The following CCSER1 variants were observed in gnomAD, a reference collection of about 807,000 sequenced individuals.
The protein encoded by CCSER1 is coiled-coil serine rich protein 1.
In CCSER1, 41 loss-of-function variants were observed where a neutral mutation model predicts 82.0. That is an observed-to-expected ratio of 0.50 (90% CI 0.39 to 0.65). CCSER1 has a LOEUF of 0.65. Among genes scored for constraint, CCSER1 ranks in the 30% least tolerant of loss-of-function variants. The pLI is 0.00. For missense variants in CCSER1, 1,119 were observed against 1,064.2 expected, an observed-to-expected ratio of 1.05 and a Z score of -0.72; for synonymous variants, 414 against 383.9, an observed-to-expected ratio of 1.08 and a Z score of -0.92.
intron 8 of CCSER1, among the ~76,000 whole-genome samples, chr4:90,917,370 T>C (rs9799607): frequency 0.47 from 70,874 of 151,840 alleles, 18,196 homozygotes; most frequent in African/African-American, 0.7. Flanking sequence ...TGTAGGGACA[T>C]GGATGAAGCT....
At chr4:90,973,330 A>G (rs1311401035) in intron 9 of CCSER1, among the ~76,000 whole-genome samples, 1 of 151,788 alleles carries the variant, frequency 6.6e-6, no homozygotes, top group Non-Finnish European at 1.5e-5. Context: ...AAGAAAACAA[A>G]TAACCTGATT....
At chr4:91,387,104 G>A (rs989390190) in intron 10 of CCSER1, among the ~76,000 whole-genome samples, 18 of 151,948 alleles carry the variant, frequency 1.2e-4, no homozygotes, top group African/African-American at 4.3e-4. Context: ...TTGTAGTAAT[G>A]TTAAATTTTC....
intron 7 of CCSER1, among the ~76,000 whole-genome samples, chr4:90,771,832 T>C (rs1322532878): frequency 6.6e-6 from 1 of 152,120 alleles, no homozygotes; most frequent in Non-Finnish European, 1.5e-5. Context: ...CCTGTTACTA[T>C]TTCTCCAATA....
chr4:90,596,946 T>C (rs1404283141), intron 5 of CCSER1, among the ~76,000 whole-genome samples: 1 of 151,948 alleles, frequency 6.6e-6, no homozygotes, highest in Non-Finnish European at 1.5e-5. Flanking sequence ...ATAAGTAATT[T>C]CTTATGGACA....
chr4:90,430,045 G>T (rs1276867720), intron 4 of CCSER1, among the ~76,000 whole-genome samples: 2 of 151,694 alleles, frequency 1.3e-5, no homozygotes, highest in Non-Finnish European at 3.0e-5. Context: ...CTTTAAGTCC[G>T]CTCAAAAATC....
At chr4:90,617,141 A>G (rs1405862440) in intron 5 of CCSER1, among the ~76,000 whole-genome samples, 3 of 152,220 alleles carry the variant, frequency 2.0e-5, no homozygotes, top group Non-Finnish European at 2.9e-5. Flanking sequence ...CATATGTTTC[A>G]TATGTATGAA....
At chr4:90,413,676 TA>T (rs899401774) in intron 4 of CCSER1, among the ~76,000 whole-genome samples, 3 of 151,654 alleles carry the variant, frequency 2.0e-5, no homozygotes, top group Non-Finnish European at 4.4e-5. Flanking sequence ...CCTAAATTAA[TA>T]TATGTTCCTC....
chr4:90,541,422 T>C (rs888456716), intron 5 of CCSER1, among the ~76,000 whole-genome samples: 1 of 152,070 alleles, frequency 6.6e-6, no homozygotes, highest in Non-Finnish European at 1.5e-5. Context: ...AGAGCCCCGA[T>C]TTAGCTGTTG....
chr4:90,246,839 G>T (rs1487924547), intron 1 of CCSER1, among the ~76,000 whole-genome samples: 2 of 151,888 alleles, frequency 1.3e-5, no homozygotes, highest in Non-Finnish European at 1.5e-5. Flanking sequence ...TTGTACTGTT[G>T]ATCTTAGCTA....
chr4:91,054,398 A>G (rs1222961458), intron 9 of CCSER1, among the ~76,000 whole-genome samples: 1 of 152,016 alleles, frequency 6.6e-6, no homozygotes, highest in Non-Finnish European at 1.5e-5. Context: ...ATTTAGATGG[A>G]ATCTTTTATT....
chr4:90,893,884 C>A (rs553886184), intron 8 of CCSER1, among the ~76,000 whole-genome samples: 4 of 151,326 alleles, frequency 2.6e-5, no homozygotes, highest in Admixed American at 6.6e-5. Flanking sequence ...ACTCATTTCC[C>A]GTGTTAAATT....
chr4:90,752,077 G>A (rs1748751738), intron 7 of CCSER1, among the ~76,000 whole-genome samples: 1 of 152,052 alleles, frequency 6.6e-6, no homozygotes, highest in Non-Finnish European at 1.5e-5. Flanking sequence ...AATTTATTGA[G>A]CACTTCCAAT....
intron 5 of CCSER1, among the ~76,000 whole-genome samples, chr4:90,533,382 A>T (rs1053060203): frequency 6.6e-6 from 1 of 152,172 alleles, no homozygotes; most frequent in Non-Finnish European, 1.5e-5. Flanking sequence ...GGCGTGAGCC[A>T]CTGCTCCTGG....
At chr4:90,153,218 T>A (rs1295911502) in intron 1 of CCSER1, among the ~76,000 whole-genome samples, 1 of 152,066 alleles carries the variant, frequency 6.6e-6, no homozygotes, top group Non-Finnish European at 1.5e-5. Flanking sequence ...CATGAACTCA[T>A]CATTTTTTTG....
At position 91,598,938 on chromosome 4, in the gene CCSER1, A is replaced by G; in HGVS notation, c.2584A>G (p.Arg862Gly). The G allele has an allele frequency of 6.4e-7, 1 of 1,551,578 alleles. No homozygotes were observed. The highest frequency in any genetic ancestry group is 8.7e-7 in the Non-Finnish European group (1 of 1,146,904). The change falls in exon 11 of 11, where the codon AGG becomes GGG. Residue 862 changes from arginine (R) to glycine (G), a missense_variant. Coordinates refer to ENST00000509176, the MANE Select transcript of CCSER1 (RefSeq NM_001145065.2). Reference protein sequence around the residue: ...TARQHSTFTGRFGQPPRGPIS... With the variant: ...TARQHSTFTGGFGQPPRGPIS... ...CCGACAGCATTCGACCTTTACAGGC[A>G]GGTTTGGACAGCCACCCAGAGGGCC...
intron 5 of CCSER1, among the ~76,000 whole-genome samples, chr4:90,591,695 A>G (rs1421708571): frequency 6.6e-6 from 1 of 152,194 alleles, no homozygotes; most frequent in African/African-American, 2.4e-5. Flanking sequence ...TATACACCCA[A>G]AGGGTTATAA....
chr4:90,196,239 C>T lies in CCSER1; in HGVS notation c.-42+68408C>T, dbSNP rs188690574. Among the ~76,000 whole-genome samples the T allele has an allele frequency of 1.6e-3, 242 of 152,098 alleles. 2 individuals are homozygous for T. The highest frequency in any genetic ancestry group is 5.5e-3 in the African/African-American group (227 of 41,512). On this transcript the variant is annotated intron_variant, in intron 1 of 10. Transcript: ENST00000509176. ...GCAAATGTGAATGCCAGCAATCCTC[C>T]ACTGCAGACCTTATGTTAAGTGAGA...
At chr4:91,090,187 G>C (rs944838185) in intron 10 of CCSER1, among the ~76,000 whole-genome samples, 3 of 152,004 alleles carry the variant, frequency 2.0e-5, no homozygotes, top group Non-Finnish European at 4.4e-5. Context: ...TTCATTTTTC[G>C]CGGGAAGCAT....
intron 1 of CCSER1, among the ~76,000 whole-genome samples, chr4:90,147,105 CTTTG>C (rs1230691785): frequency 6.8e-6 from 1 of 147,300 alleles, no homozygotes; most frequent in Non-Finnish European, 1.5e-5. Context: ...ATTTTTAATA[CTTTG>C]TTTAATAACT....
Sources: allele counts gnomAD v4.1 joint callset (sites outside exome capture counted in the v4.1 genomes callset), GRCh38; gene constraint gnomAD v4.1.1; transcripts MANE v1.5; gene names NCBI Gene and HGNC (gene_info 2026-07-23, HGNC 2026-07-21).